MGAM2: variants seen among roughly 807,000 people sequenced by gnomAD.
MGAM2 encodes maltase-glucoamylase 2 (putative).
Under a neutral mutation model 96.1 loss-of-function variants are expected in MGAM2, and 98 were observed. That is an observed-to-expected ratio of 1.02 (90% confidence interval 0.87 to 1.21). The LOEUF is 1.21. Ranked by LOEUF, MGAM2 falls within the 50% of genes most tolerant of loss-of-function variation. The pLI is 0.00. For missense variants in MGAM2, 2,055 were observed against 1,182.4 expected (o/e 1.74, Z -10.82); for synonymous variants, 749 against 414.8 (o/e 1.81, Z -9.79).
At chr7:142,197,269 G>T (rs1300352074) in intron 40 of MGAM2, 131 bp from the exon 41 acceptor site, 5 of 612,008 alleles carry the variant, frequency 8.2e-6, no homozygotes, top group African/African-American at 1.8e-5. Flanking sequence ...TGGGGGAAAG[G>T]GTAGGCCAGG....
Position 142,197,671 on chromosome 7 carries a change from T to C in MGAM2, c.4809T>C (p.Asp1603=), listed in dbSNP as rs913848070. The C allele has an allele frequency of 2.7e-5, 19 of 702,914 alleles. No individual in the cohort carries two copies. The highest frequency in any genetic ancestry group is 2.4e-4 in the African/African-American group (14 of 57,250). 43.5% of individuals were successfully genotyped at this position (702,914 alleles called of 1,614,324 possible). The change falls in exon 42 of 48, where the codon GAT becomes GAC. Residue 1603 remains aspartate, a synonymous_variant. Transcript: ENST00000477922. ...HEFTDDRTTW[D]IDRQFMLGPA... ...TTACGGATGACAGGACAACATGGGATATAGACCGTCAGTTCATGTTGGGCC... is the reference window on the plus strand; with the variant it reads ...TTACGGATGACAGGACAACATGGGACATAGACCGTCAGTTCATGTTGGGCC...
intron 3 of MGAM2, among the ~76,000 whole-genome samples, chr7:142,128,565 C>A (rs1794791355): frequency 6.6e-6 from 1 of 152,198 alleles, no homozygotes; most frequent in African/African-American, 2.4e-5. Flanking sequence ...CTGCTCTGTG[C>A]AGCCTAGGGA....
chr7:142,173,434 T>C, intron 31 of MGAM2, 80 bp downstream of exon 31: 2 of 658,170 alleles, frequency 3.0e-6, no homozygotes, highest in Non-Finnish European at 5.6e-6. Context: ...TGCTATGATG[T>C]TCTTATCAAA....
chr7:142,190,034 C>T (rs1450055036), intron 37 of MGAM2, among the ~76,000 whole-genome samples: 1 of 151,928 alleles, frequency 6.6e-6, no homozygotes, highest in Non-Finnish European at 1.5e-5. Context: ...TATAGATACA[C>T]CATATTTTGC....
At chr7:142,186,814 C>T (rs995715845) in intron 35 of MGAM2, among the ~76,000 whole-genome samples, 1 of 152,190 alleles carries the variant, frequency 6.6e-6, no homozygotes, top group African/African-American at 2.4e-5. Flanking sequence ...AACACAGGGG[C>T]CTCCCTGACC....
chr7:142,167,619 C>T, intron 26 of MGAM2, 133 bp downstream of exon 26: 1 of 627,634 alleles, frequency 1.6e-6, no homozygotes. Flanking sequence ...GACACCCAGG[C>T]TGGAATGCAG....
At chr7:142,213,292 G>C (rs556624273) in intron 46 of MGAM2, among the ~76,000 whole-genome samples, 2 of 152,036 alleles carry the variant, frequency 1.3e-5, no homozygotes, top group African/African-American at 2.4e-5. Context: ...AAGTTCAAAA[G>C]CTAGCAGAAG....
At position 142,187,033 on chromosome 7, in the gene MGAM2, T is replaced by C. The variant is rs745979415; in HGVS notation, c.4123-717T>C. 2.0e-5 allele frequency among the ~76,000 whole-genome samples: 3 copies of C among 152,284 alleles called. No homozygotes were observed. The East Asian group carries it at 5.8e-4, about 29-fold the overall frequency. ...GTAATGAATAGTTCCTCAAGTACTTTCATTTGCCTTTAGTATGTCCTATTT... is the reference window on the plus strand; with the variant it reads ...GTAATGAATAGTTCCTCAAGTACTTCCATTTGCCTTTAGTATGTCCTATTT... On this transcript the variant is annotated intron_variant, in intron 35 of 47. Coordinates refer to ENST00000477922, the MANE Select transcript of MGAM2 (RefSeq NM_001293626.2).
rs548068484 is a variant in MGAM2, at chr7:142,138,551, C to G, written c.970C>G (p.Arg324Gly). The G allele has an allele frequency of 9.7e-5, 68 of 702,968 alleles. No individual in the cohort carries two copies. In the African/African-American group the frequency reaches 1.2e-3, roughly 12 times the overall value. The allele number at this position is 702,968 out of a possible 1,614,324, so 43.5% of individuals were successfully genotyped here. ...TTACTTATCTTTTCAGCTTGTTGGA[C>G]GGCCATTCTTCCCTCCCTATTGGAG... ...VVQEYLELVG[R>G]PFFPPYWSLG... Residue 324 changes from arginine (R) to glycine (G), a missense_variant, in exon 10 of 48, where the codon CGG becomes GGG. By Grantham distance (125) the Arg-to-Gly change is moderately radical. Coordinates refer to ENST00000477922, the MANE Select transcript of MGAM2 (RefSeq NM_001293626.2).
At chr7:142,118,482 A>G (rs28593254) in intron 2 of MGAM2, among the ~76,000 whole-genome samples, 25,309 of 152,112 alleles carry the variant, frequency 0.17, 2,470 homozygotes, top group East Asian at 0.36. Flanking sequence ...ACCTGCTAAT[A>G]CCCACGGTAA....
chr7:142,187,728 T>C (rs1292213852), intron 35 of MGAM2, 22 bp from the exon 36 acceptor site: 1 of 700,688 alleles, frequency 1.4e-6, no homozygotes, highest in African/African-American at 1.7e-5. Context: ...TGACGAGATC[T>C]TTTTTTGTTA....
intron 1 of MGAM2, 72 bp from the exon 2 acceptor site, chr7:142,116,802 A>G: frequency 1.4e-6 from 1 of 694,892 alleles, no homozygotes. Context: ...ATTTGGATAC[A>G]ATGATTATGT....
At chr7:142,150,792 C>T (rs1016237934) in intron 15 of MGAM2, among the ~76,000 whole-genome samples, 8 of 152,152 alleles carry the variant, frequency 5.3e-5, no homozygotes, top group African/African-American at 1.9e-4. Flanking sequence ...CTTAGCATAA[C>T]CTATAAGGTA....
rs570770868 is a variant in MGAM2 at position 142,208,382 on chromosome 7, C to T, written c.5138-191C>T. 5 of 658,142 alleles carry T rather than the reference C, an allele frequency of 7.6e-6. No individual in the cohort carries two copies. In the East Asian group the frequency reaches 8.5e-5, roughly 11 times the overall value. The allele number at this position is 658,142 out of a possible 1,614,324, so 40.8% of individuals were successfully genotyped here. A position where few individuals can be genotyped will look rare whatever the true frequency, so the allele number is the denominator to read the frequency against. On this transcript the variant is annotated intron_variant, in intron 45 of 47. Transcript: ENST00000477922. ...ACCTCCCCGGCAAGGTACCCATTTG[C>T]ATTTGCACATCCCCACACTAACATG...
chr7:142,116,782 A>C, intron 1 of MGAM2, 92 bp from the exon 2 acceptor site: 2 of 678,554 alleles, frequency 2.9e-6, no homozygotes, highest in South Asian at 3.1e-5. Context: ...CATCTTGCAA[A>C]CAATTCCACA....
At chr7:142,196,329 G>T (rs1797034171) in intron 38 of MGAM2, 42 bp downstream of exon 38, 1 of 692,892 alleles carries the variant, frequency 1.4e-6, no homozygotes. Context: ...GGCAGGGAGG[G>T]CACTGGAGTT....
chr7:142,183,348 A>T lies in MGAM2; in HGVS notation c.3899A>T (p.Asp1300Val). ...QENNVFIKWP[D>V]TNDIVWGKVW... ...AATAACGTGTTCATCAAATGGCCTG[A>T]CACCAATGACATTGTCTGGGGAAAG... The change falls in exon 33 of 48, where the codon GAC becomes GTC. Residue 1300 changes from aspartate (D) to valine (V), a missense_variant. Asp to Val is a radical substitution (Grantham distance 152, BLOSUM62 -3). Transcript: ENST00000477922. The T allele has an allele frequency of 1.4e-6, 1 of 703,124 alleles. No homozygotes were observed. The highest frequency in any genetic ancestry group is 1.5e-5 in the South Asian group (1 of 67,590). 43.6% of individuals were successfully genotyped at this position (703,124 alleles called of 1,614,324 possible).
chr7:142,172,577 A>G, intron 29 of MGAM2, 75 bp from the exon 30 acceptor site: 1 of 608,050 alleles, frequency 1.6e-6, no homozygotes, highest in African/African-American at 1.8e-5. Flanking sequence ...AAGAAAGCAA[A>G]TCTTAGAGCA....
At chr7:142,169,508 A>T (rs1223380073) in intron 26 of MGAM2, among the ~76,000 whole-genome samples, 2 of 152,200 alleles carry the variant, frequency 1.3e-5, no homozygotes, top group Non-Finnish European at 2.9e-5. Flanking sequence ...ATAGTCACTC[A>T]TAATGTTGTA....
Sources: allele counts gnomAD v4.1 joint callset (sites outside exome capture counted in the v4.1 genomes callset), GRCh38; gene constraint gnomAD v4.1.1; transcripts MANE v1.5; gene names NCBI Gene and HGNC (gene_info 2026-07-23, HGNC 2026-07-21).